Variants in CACNA2D3 observed in about 807,000 individuals in gnomAD.
CACNA2D3 encodes the protein calcium voltage-gated channel auxiliary subunit alpha2delta 3, also known as voltage-dependent calcium channel subunit alpha-2/delta-3.
In CACNA2D3, 60 loss-of-function variants were observed where a neutral mutation model predicts 160.6. The ratio of observed to expected loss-of-function variants is 0.37; its 90% CI spans 0.30 to 0.46. The LOEUF (loss-of-function observed/expected upper bound fraction) is 0.46, where lower values mean the gene tolerates loss of function less well. CACNA2D3 is among the 20% of genes least tolerant of loss of function. CACNA2D3 has a pLI of 1.00. For missense variants in CACNA2D3, 1,205 were observed against 1,365.0 expected (o/e 0.88, Z 1.85); for synonymous variants, 558 against 492.9 (o/e 1.13, Z -1.75).
intron 2 of CACNA2D3, among the ~76,000 whole-genome samples, chr3:54,163,706 G>C (rs1458053190): frequency 6.6e-6 from 1 of 152,152 alleles, no homozygotes; most frequent in African/African-American, 2.4e-5. Context: ...TGCATTTGCG[G>C]AAGATCCCAT....
chr3:54,861,973 G>C (rs1699300369), intron 17 of CACNA2D3, among the ~76,000 whole-genome samples: 1 of 152,180 alleles, frequency 6.6e-6, no homozygotes, highest in Non-Finnish European at 1.5e-5. Context: ...TTTTTAAAAA[G>C]ACATATCACT....
Position 54,725,791 on chromosome 3 carries a change from C to A in CACNA2D3, c.1168-26808C>A, listed in dbSNP as rs572948061. Among the ~76,000 whole-genome samples the A allele has an allele frequency of 2.0e-4, 31 of 152,240 alleles. 1 individual carries two copies. The highest frequency in any genetic ancestry group is 6.5e-4 in the African/African-American group (27 of 41,552). ...AATAACGAGAGCTATTTATGACAGA[C>A]CCACGTCCAATATCATACTGAATGG... On this transcript the variant is annotated intron_variant, in intron 11 of 37. Transcript: ENST00000474759.
intron 4 of CACNA2D3, among the ~76,000 whole-genome samples, chr3:54,461,801 T>C (rs1181182518): frequency 6.6e-6 from 1 of 152,196 alleles, no homozygotes; most frequent in Non-Finnish European, 1.5e-5. Flanking sequence ...ATTTTAGTTA[T>C]TTCTTGCCTT....
intron 13 of CACNA2D3, among the ~76,000 whole-genome samples, chr3:54,771,658 T>G (rs1397535728): frequency 6.6e-6 from 1 of 152,246 alleles, no homozygotes; most frequent in Non-Finnish European, 1.5e-5. Context: ...TACATCTCTC[T>G]GATGCTTCAC....
intron 27 of CACNA2D3, among the ~76,000 whole-genome samples, chr3:54,903,625 A>G (rs1157680770): frequency 6.6e-6 from 1 of 152,182 alleles, no homozygotes; most frequent in Non-Finnish European, 1.5e-5. Flanking sequence ...TCTTTAAGGA[A>G]TCGCAACACT....
chr3:54,184,188 T>C (rs762909558), intron 2 of CACNA2D3, among the ~76,000 whole-genome samples: 5 of 152,156 alleles, frequency 3.3e-5, no homozygotes, highest in African/African-American at 9.7e-5. Context: ...TTCAGGCTGA[T>C]TGGGGAAAGC....
At chr3:54,439,308 G>GGTGT (rs71994824) in intron 4 of CACNA2D3, among the ~76,000 whole-genome samples, 201 of 120,702 alleles carry the variant, frequency 1.7e-3, no homozygotes, top group African/African-American at 5.1e-3. Flanking sequence ...CATAAAGGAG[G>GGTGT]GTGTGTGTGT....
intron 8 of CACNA2D3, among the ~76,000 whole-genome samples, chr3:54,577,695 C>T (rs1486516001): frequency 6.6e-6 from 1 of 152,108 alleles, no homozygotes; most frequent in Non-Finnish European, 1.5e-5. Context: ...TCTTACGTGC[C>T]AGGTTCTATG....
At chr3:54,179,928 T>C (rs1393318496) in intron 2 of CACNA2D3, among the ~76,000 whole-genome samples, 1 of 151,924 alleles carries the variant, frequency 6.6e-6, no homozygotes, top group Non-Finnish European at 1.5e-5. Flanking sequence ...CTAAGACATC[T>C]TCCAAAATTC....
At chr3:54,810,028 C>T (rs1203328823) in intron 13 of CACNA2D3, among the ~76,000 whole-genome samples, 1 of 152,092 alleles carries the variant, frequency 6.6e-6, no homozygotes, top group Non-Finnish European at 1.5e-5. Flanking sequence ...GATAATAACA[C>T]CTGCCAGAAG....
rs1006704078 is a variant in CACNA2D3 at position 54,918,355 on chromosome 3, T to G, written c.2449+18487T>G. ...TTCTTTTTTTTTTTTTTTTTTTTTT[T>G]GTCTTTTGGCAAAAGCAAAATCAGA... On this transcript the variant is annotated intron_variant, in intron 27 of 37. Transcript: ENST00000474759. 3.5e-5 allele frequency: 11 copies of G among 312,608 alleles called. 1 individual carries two copies. Among genetic ancestry groups the G allele is most frequent in the Middle Eastern group, 1.1e-3 (1 of 918 alleles). The allele number at this position is 312,608 out of a possible 1,614,324, so 19.4% of individuals were successfully genotyped here. A position where few individuals can be genotyped will look rare whatever the true frequency, so the allele number is the denominator to read the frequency against.
chr3:54,817,658 A>C (rs1703487013), intron 14 of CACNA2D3, among the ~76,000 whole-genome samples: 1 of 152,194 alleles, frequency 6.6e-6, no homozygotes, highest in Admixed American at 6.5e-5. Context: ...CTGAAATTTA[A>C]ACAGCATCTC....
intron 9 of CACNA2D3, among the ~76,000 whole-genome samples, chr3:54,594,594 A>G (rs1253627382): frequency 1.3e-5 from 2 of 152,208 alleles, no homozygotes; most frequent in African/African-American, 4.8e-5. Flanking sequence ...TAGACTGTCT[A>G]CCTTCAATAA....
intron 35 of CACNA2D3, among the ~76,000 whole-genome samples, chr3:55,066,185 G>T (rs1289252293): frequency 6.6e-6 from 1 of 152,174 alleles, no homozygotes; most frequent in Non-Finnish European, 1.5e-5. Flanking sequence ...CTGGTGGAGA[G>T]CCACAGTCAC....
At chr3:54,919,715 G>A (rs1371640954) in intron 27 of CACNA2D3, among the ~76,000 whole-genome samples, 16 of 152,220 alleles carry the variant, frequency 1.1e-4, no homozygotes, top group South Asian at 4.2e-4. Flanking sequence ...AATGTGCTTC[G>A]CTGACTTAAT....
intron 35 of CACNA2D3, among the ~76,000 whole-genome samples, chr3:55,025,944 T>A (rs565363381): frequency 8.8e-4 from 134 of 152,046 alleles, no homozygotes; most frequent in African/African-American, 3.2e-3. Context: ...GTTTTTTCTT[T>A]TTTTTTTTAG....
intron 11 of CACNA2D3, among the ~76,000 whole-genome samples, chr3:54,721,581 T>C (rs1242206938): frequency 6.6e-6 from 1 of 151,790 alleles, no homozygotes; most frequent in Non-Finnish European, 1.5e-5. Context: ...GCCAACATGG[T>C]GAAACCCCGT....
intron 11 of CACNA2D3, among the ~76,000 whole-genome samples, chr3:54,680,542 T>G (rs1006765552): frequency 6.6e-6 from 1 of 152,224 alleles, no homozygotes; most frequent in Admixed American, 6.5e-5. Flanking sequence ...TTCCCTGGCC[T>G]GTGTGTGCCT....
chr3:55,014,107 A>C (rs551611298), intron 34 of CACNA2D3, among the ~76,000 whole-genome samples: 1 of 152,280 alleles, frequency 6.6e-6, no homozygotes, highest in South Asian at 2.1e-4. Flanking sequence ...TCTGAGCTTT[A>C]GTTTCTTCAT....
Sources: gnomAD v4.1 joint callset for allele counts (sites outside exome capture counted in the v4.1 genomes callset) on GRCh38, gnomAD v4.1.1 for gene constraint, MANE v1.5 for transcripts, NCBI Gene and HGNC (gene_info 2026-07-23, HGNC 2026-07-21) for gene names.